CDC42BPA: variants seen among roughly 807,000 people sequenced by gnomAD.
The protein encoded by CDC42BPA is serine/threonine-protein kinase MRCK alpha.
CDC42BPA carries 80 observed loss-of-function variants against 223.5 expected under a neutral mutation model. The observed-to-expected ratio is 0.36, with a 90% CI of 0.30 to 0.43. The LOEUF is 0.43. CDC42BPA is among the 20% of genes least tolerant of loss of function. CDC42BPA has a pLI of 1.00. For missense variants in CDC42BPA, 1,743 were observed against 2,099.9 expected (o/e 0.83, Z 3.32); for synonymous variants, 694 against 718.6 (o/e 0.97, Z 0.55).
chr1:227,291,974 T>C (rs1689772913), intron 1 of CDC42BPA, among the ~76,000 whole-genome samples: 3 of 151,082 alleles, frequency 2.0e-5, no homozygotes, highest in Admixed American at 1.3e-4. Flanking sequence ...AGCCCTGAGG[T>C]CTATAACAGA....
intron 10 of CDC42BPA, among the ~76,000 whole-genome samples, chr1:227,130,199 G>A (rs181875697): frequency 1.3e-4 from 20 of 151,970 alleles, no homozygotes; most frequent in South Asian, 4.2e-4. Flanking sequence ...ATTTATGGAG[G>A]GATTCTCACA....
intron 1 of CDC42BPA, among the ~76,000 whole-genome samples, chr1:227,296,089 T>A (rs187381065): frequency 3.3e-5 from 5 of 152,272 alleles, no homozygotes; most frequent in Admixed American, 3.3e-4. Context: ...TTTAGAGGAC[T>A]TACCCTTTTC....
At chr1:227,111,637 C>A (rs1168435415) in intron 14 of CDC42BPA, among the ~76,000 whole-genome samples, 2 of 151,948 alleles carry the variant, frequency 1.3e-5, no homozygotes, top group Non-Finnish European at 2.9e-5. Flanking sequence ...GGCGTGCGCA[C>A]CATGCCTGGC....
chr1:227,057,869 C>T (rs1674927267), intron 21 of CDC42BPA, among the ~76,000 whole-genome samples: 1 of 151,914 alleles, frequency 6.6e-6, no homozygotes, highest in Non-Finnish European at 1.5e-5. Context: ...GTCCAAGGCC[C>T]CAGAAAGTCT....
At chr1:227,285,353 T>C (rs1373288744) in intron 1 of CDC42BPA, among the ~76,000 whole-genome samples, 3 of 152,250 alleles carry the variant, frequency 2.0e-5, no homozygotes, top group African/African-American at 7.2e-5. Flanking sequence ...GTTATTTGGA[T>C]GCATATATCA....
At chr1:227,112,636 C>T in intron 13 of CDC42BPA, 35 bp downstream of exon 13, 4 of 1,606,434 alleles carry the variant, frequency 2.5e-6, no homozygotes, top group Middle Eastern at 1.7e-4. Context: ...TAATCACTAT[C>T]CCATGGGCAC....
At chr1:227,000,364 A>G (rs1249142699) in intron 35 of CDC42BPA, among the ~76,000 whole-genome samples, 1 of 152,134 alleles carries the variant, frequency 6.6e-6, no homozygotes, top group Non-Finnish European at 1.5e-5. Flanking sequence ...ATATTTTTTG[A>G]GTTTTCTTCC....
At chr1:227,005,675 AAGTT>A in intron 34 of CDC42BPA, among the ~76,000 whole-genome samples, 1 of 152,346 alleles carries the variant, frequency 6.6e-6, no homozygotes, top group Admixed American at 6.5e-5. Context: ...AACCTAGGTG[AAGTT>A]AGTTAATTTG....
chr1:227,251,735 C>T (rs1004379460), intron 2 of CDC42BPA, among the ~76,000 whole-genome samples: 1 of 152,044 alleles, frequency 6.6e-6, no homozygotes, highest in Non-Finnish European at 1.5e-5. Context: ...GAAATCCTCC[C>T]TCAGGAAATG....
At chr1:227,198,368 G>A (rs529717923) in intron 4 of CDC42BPA, among the ~76,000 whole-genome samples, 4 of 148,966 alleles carry the variant, frequency 2.7e-5, no homozygotes, top group African/African-American at 9.9e-5. Context: ...TGAGGTGGGA[G>A]GGCTGCTTGA....
intron 17 of CDC42BPA, among the ~76,000 whole-genome samples, chr1:227,078,235 A>C (rs1281950183): frequency 1.3e-5 from 2 of 152,158 alleles, no homozygotes; most frequent in Non-Finnish European, 2.9e-5. Flanking sequence ...TTCTTGAGCA[A>C]CTAGTCTGAG....
chr1:227,317,027 GTTC>G lies in CDC42BPA; in HGVS notation c.153_155del (p.Lys51del). The G allele has an allele frequency of 6.2e-7, 1 of 1,613,218 alleles. No homozygotes were observed. Among genetic ancestry groups the G allele is most frequent in the Non-Finnish European group, 8.5e-7 (1 of 1,179,310 alleles). On this transcript the variant is annotated inframe_deletion, in exon 1 of 37. Transcript: ENST00000366766. ...TACCCCATTCTAGGTATTCGAGAAT[GTTC>G]TTCTCTCTTCTCAATGGAGAATTAT... is the stretch of plus-strand genomic sequence containing the variant.
At chr1:227,247,866 AGT>A (rs1681272655) in intron 2 of CDC42BPA, among the ~76,000 whole-genome samples, 1 of 152,154 alleles carries the variant, frequency 6.6e-6, no homozygotes, top group Non-Finnish European at 1.5e-5. Context: ...TGGGTGACAG[AGT>A]GTGACTCCAT....
At chr1:227,097,056 C>A (rs1229777688) in intron 15 of CDC42BPA, among the ~76,000 whole-genome samples, 1 of 152,056 alleles carries the variant, frequency 6.6e-6, no homozygotes, top group Admixed American at 6.6e-5. Flanking sequence ...TAAGGCCAAC[C>A]CCTTCATTAT....
intron 31 of CDC42BPA, among the ~76,000 whole-genome samples, chr1:227,024,545 C>T (rs1667905220): frequency 6.6e-6 from 1 of 152,110 alleles, no homozygotes; most frequent in South Asian, 2.1e-4. Context: ...TTCAATGTCC[C>T]CCAGTCAGGG....
intron 1 of CDC42BPA, among the ~76,000 whole-genome samples, chr1:227,280,036 C>T (rs986850216): frequency 2.6e-5 from 4 of 151,694 alleles, no homozygotes; most frequent in Non-Finnish European, 2.9e-5. Flanking sequence ...CCAGCCTGGG[C>T]CACAGAGCAA....
intron 2 of CDC42BPA, among the ~76,000 whole-genome samples, chr1:227,227,028 T>C (rs1676982581): frequency 6.6e-6 from 1 of 152,142 alleles, no homozygotes; most frequent in South Asian, 2.1e-4. Flanking sequence ...GGAAACTCAA[T>C]GTACAGACTC....
At position 227,132,810 on chromosome 1, in the gene CDC42BPA, C is replaced by G. The variant is rs560945702; in HGVS notation, c.1391-3579G>C. 5.3e-3 allele frequency among the ~76,000 whole-genome samples: 808 copies of G among 151,256 alleles called. 14 individuals carry two copies. The East Asian group carries it at 0.056, about 11-fold the overall frequency. ...CCCGTCTGGGATGTGAGGAGCGCCT[C>G]TGCCCGGCCGCAACCCCGTCTGGGA... On this transcript the variant is annotated intron_variant, in intron 10 of 36. Coordinates refer to ENST00000366766, the MANE Select transcript of CDC42BPA (RefSeq NM_001394014.1).
At chr1:227,243,287 T>C (rs1347345329) in intron 2 of CDC42BPA, among the ~76,000 whole-genome samples, 1 of 152,194 alleles carries the variant, frequency 6.6e-6, no homozygotes, top group South Asian at 2.1e-4. Context: ...AGTTTACTTA[T>C]TTAACAAACC....
Sources: allele counts gnomAD v4.1 joint callset (sites outside exome capture counted in the v4.1 genomes callset), GRCh38; gene constraint gnomAD v4.1.1; transcripts MANE v1.5; gene names NCBI Gene and HGNC (gene_info 2026-07-23, HGNC 2026-07-21).